Variants in SCN3B observed in about 807,000 individuals in gnomAD.
The protein encoded by SCN3B is sodium voltage-gated channel beta subunit 3.
A neutral mutation model predicts 25.4 loss-of-function variants in SCN3B; 11 were observed. That is an observed-to-expected ratio of 0.43 (90% CI 0.27 to 0.72). The LOEUF (loss-of-function observed/expected upper bound fraction) is 0.72. Among genes scored for constraint, SCN3B ranks in the 30% least tolerant of loss-of-function variants. SCN3B has a pLI of 0.18. For synonymous variants in SCN3B, 109 were observed against 110.7 expected (o/e 0.99, Z 0.09); for missense variants, 218 against 278.3 (o/e 0.78, Z 1.54).
chr11:123,646,381 C>G (rs1347939986), intron 2 of SCN3B, among the ~76,000 whole-genome samples: 1 of 152,146 alleles, frequency 6.6e-6, no homozygotes, highest in African/African-American at 2.4e-5. Flanking sequence ...AGGCAGGGCC[C>G]ATGCTGTGAA....
intron 2 of SCN3B, among the ~76,000 whole-genome samples, chr11:123,651,837 G>T (rs73031648): frequency 1.3e-5 from 2 of 152,088 alleles, no homozygotes; most frequent in Non-Finnish European, 2.9e-5. Flanking sequence ...TCGGGGAGGG[G>T]ATGGGCACTC....
At chr11:123,643,586 C>T (rs1335878884) in intron 3 of SCN3B, among the ~76,000 whole-genome samples, 1 of 152,262 alleles carries the variant, frequency 6.6e-6, no homozygotes, top group Non-Finnish European at 1.5e-5. Context: ...CTGTATCGCA[C>T]AGCACAGATA....
intron 2 of SCN3B, 22 bp downstream of exon 2, chr11:123,653,725 A>G (rs1186661254): frequency 1.2e-6 from 2 of 1,613,370 alleles, no homozygotes; most frequent in Admixed American, 1.7e-5. Context: ...TGCATCCGGC[A>G]TGGCGAGGTG....
intron 4 of SCN3B, chr11:123,640,552 TG>T (rs1401900300): frequency 2.5e-5 from 1 of 40,598 alleles, no homozygotes; most frequent in Non-Finnish European, 4.9e-5. Flanking sequence ...GTTGGGGTGG[TG>T]GGGGTGGGGA....
chr11:123,636,512 T>G (rs1955726473), intron 5 of SCN3B, among the ~76,000 whole-genome samples: 1 of 152,188 alleles, frequency 6.6e-6, no homozygotes, highest in Non-Finnish European at 1.5e-5. Context: ...AACACATAGA[T>G]GATATTTGCT....
chr11:123,644,036 T>C (rs888860730), intron 3 of SCN3B, among the ~76,000 whole-genome samples: 8 of 152,226 alleles, frequency 5.3e-5, no homozygotes, highest in African/African-American at 1.4e-4. Context: ...CCATTGTCTC[T>C]GTTACAAATC....
chr11:123,652,369 C>T (rs1591351585), intron 2 of SCN3B, among the ~76,000 whole-genome samples: 2 of 152,296 alleles, frequency 1.3e-5, no homozygotes, highest in Middle Eastern at 6.8e-3. Context: ...GCTGACATTA[C>T]CTCCCTCCTC....
chr11:123,644,469 T>C (rs11604797), intron 3 of SCN3B, among the ~76,000 whole-genome samples: 2 of 151,952 alleles, frequency 1.3e-5, no homozygotes, highest in African/African-American at 4.8e-5. Context: ...TCCAAGGTGG[T>C]ATTCAAAATA....
At chr11:123,649,160 G>A (rs1269184680) in intron 2 of SCN3B, among the ~76,000 whole-genome samples, 2 of 152,334 alleles carry the variant, frequency 1.3e-5, no homozygotes, top group East Asian at 1.9e-4. Context: ...GAAATGAAAT[G>A]CAAGAAAATG....
In SCN3B at chr11:123,631,795, C is replaced by T. The variant is rs963528890; in HGVS notation, c.*2004G>A. 3 of 151,994 alleles carry T rather than the reference C, an allele frequency of 2.0e-5. No individual in the cohort carries two copies. Among genetic ancestry groups the T allele is most frequent in the African/African-American group, 7.3e-5 (3 of 41,376 alleles). 9.4% of individuals were successfully genotyped at this position (151,994 alleles called of 1,614,324 possible). ...AGTGAGCTGAGATTGCACCACTGCA[C>T]TCTAGCCTGGGAGACAGAGTGAGAA... is the stretch of plus-strand genomic sequence containing the variant. On this transcript the variant is annotated 3_prime_UTR_variant, in exon 7 of 7. Coordinates refer to ENST00000299333, the MANE Select transcript of SCN3B (RefSeq NM_001040151.2).
chr11:123,634,078 G>T, intron 6 of SCN3B, 43 bp downstream of exon 6: 2 of 1,471,012 alleles, frequency 1.4e-6, no homozygotes, highest in South Asian at 1.1e-5. Context: ...TGTACAACCT[G>T]CCATCCACAT....
chr11:123,642,481 G>A lies in SCN3B; in HGVS notation c.410C>T (p.Thr137Met), dbSNP rs750476444. 44 of 1,614,026 alleles carry A rather than the reference G, an allele frequency of 2.7e-5. 2 individuals carry two copies. Among genetic ancestry groups the A allele is most frequent in the South Asian group, 1.8e-4 (16 of 91,080 alleles). Residue 137 changes from threonine (T) to methionine (M), a missense_variant, in exon 4 of 7, where the codon ACG becomes ATG. Coordinates refer to ENST00000299333, the MANE Select transcript of SCN3B (RefSeq NM_001040151.2). This position sits in a 1 kb window ranked among gnomAD's most constrained non-coding sequence, Gnocchi z 4.3. ...EFEAHRPFVKTTRLIPLRVTE... is the reference protein window; with the variant it reads ...EFEAHRPFVKMTRLIPLRVTE... ...GACTCTTAGGGGGATCAGCCGCGTC[G>A]TCTTCACAAAGGGCCGATGCGCCTC...
chr11:123,644,469 T>G (rs11604797), intron 3 of SCN3B, among the ~76,000 whole-genome samples: 13,249 of 152,054 alleles, frequency 0.087, 658 homozygotes, highest in African/African-American at 0.13. Flanking sequence ...TCCAAGGTGG[T>G]ATTCAAAATA....
chr11:123,629,564 G>A lies in SCN3B; in HGVS notation c.*4235C>T, dbSNP rs1267958521. On this transcript the variant is annotated 3_prime_UTR_variant, in exon 7 of 7. Transcript: ENST00000299333. ...AGGAAGTGGGCTGAACTAATCATGA[G>A]CTGTCCACCAGCTGAGATTTTAGAG... is the stretch of plus-strand genomic sequence containing the variant. 6.6e-6 allele frequency: 1 copy of A among 152,288 alleles called. No individual in the cohort carries two copies. Among genetic ancestry groups the A allele is most frequent in the Non-Finnish European group, 1.5e-5 (1 of 68,120 alleles). 9.4% of individuals were successfully genotyped at this position (152,288 alleles called of 1,614,324 possible). A position where few individuals can be genotyped will look rare whatever the true frequency, so the allele number is the denominator to read the frequency against.
chr11:123,644,800 A>AGAGAGAG (rs1272015067), intron 3 of SCN3B, among the ~76,000 whole-genome samples: 5 of 45,586 alleles, frequency 1.1e-4, no homozygotes, highest in African/African-American at 3.1e-4. Flanking sequence ...AGAGAGAGAG[A>AGAGAGAG]ATATATATAT....
In SCN3B at chr11:123,650,498, T is replaced by G. The variant is rs184460658; in HGVS notation, c.55+3249A>C. 2.6e-5 allele frequency among the ~76,000 whole-genome samples: 4 copies of G among 152,264 alleles called. No individual in the cohort carries two copies. In the East Asian group the frequency reaches 7.7e-4, roughly 29 times the overall value. On this transcript the variant is annotated intron_variant, in intron 2 of 6. Coordinates refer to ENST00000299333, the MANE Select transcript of SCN3B (RefSeq NM_001040151.2). ...TGGTCACTTAGGGCCTTGAATAGGA[T>G]GCACGAAAGATCACCAGGGGAAGAG...
chr11:123,648,180 G>A (rs1056383657), intron 2 of SCN3B, among the ~76,000 whole-genome samples: 8 of 152,200 alleles, frequency 5.3e-5, no homozygotes, highest in Non-Finnish European at 1.2e-4. Context: ...TTCATTTCAT[G>A]TTGACAAACT....
At chr11:123,641,258 G>A (rs915964905) in intron 4 of SCN3B, 4 of 152,384 alleles carry the variant, frequency 2.6e-5, no homozygotes, top group Non-Finnish European at 5.9e-5. Flanking sequence ...CACCAGAGGA[G>A]CGGGGCTCCG....
intron 5 of SCN3B, among the ~76,000 whole-genome samples, chr11:123,636,623 G>T (rs1955727692): frequency 6.6e-6 from 1 of 151,948 alleles, no homozygotes; most frequent in Admixed American, 6.6e-5. Context: ...TATGCTTCTT[G>T]AATCTGAAGA....
Sources: allele counts gnomAD v4.1 joint callset (sites outside exome capture counted in the v4.1 genomes callset), GRCh38; gene constraint gnomAD v4.1.1; non-coding constraint Gnocchi (gnomAD v3.1); transcripts MANE v1.5; gene names NCBI Gene and HGNC (gene_info 2026-07-23, HGNC 2026-07-21).